The following RPTOR variants were observed in gnomAD, a reference collection of about 807,000 sequenced individuals.
The protein encoded by RPTOR is regulatory associated protein of MTOR complex 1.
Under a neutral mutation model 169.9 loss-of-function variants are expected in RPTOR, and 21 were observed. That is an observed-to-expected ratio of 0.12 (90% confidence interval 0.09 to 0.18). RPTOR has a LOEUF of 0.18. RPTOR is among the 10% of genes least tolerant of loss of function. RPTOR has a pLI of 1.00. For synonymous variants in RPTOR, 732 were observed against 753.2 expected (o/e 0.97, Z 0.46); for missense variants, 1,133 against 1,855.9 (o/e 0.61, Z 7.16).
chr17:80,742,347 A>T (rs1345451328), intron 5 of RPTOR, among the ~76,000 whole-genome samples: 3 of 152,096 alleles, frequency 2.0e-5, no homozygotes, highest in Non-Finnish European at 4.4e-5. Context: ...CGGAGCATCG[A>T]CGGTGGTCAT....
chr17:80,556,714 A>G (rs2143233632), intron 1 of RPTOR, among the ~76,000 whole-genome samples: 1 of 151,882 alleles, frequency 6.6e-6, no homozygotes, highest in African/African-American at 2.4e-5. Context: ...TGCTCTTGAA[A>G]TGGATATACT....
intron 5 of RPTOR, among the ~76,000 whole-genome samples, chr17:80,733,927 T>C (rs1204201885): frequency 2.0e-5 from 3 of 152,254 alleles, no homozygotes; most frequent in Non-Finnish European, 2.9e-5. Flanking sequence ...TTCAAGGCTC[T>C]TAGCTTCCTT....
intron 3 of RPTOR, among the ~76,000 whole-genome samples, chr17:80,677,743 C>G (rs1033229178): frequency 7.3e-5 from 11 of 151,556 alleles, no homozygotes; most frequent in African/African-American, 2.7e-4. Context: ...AATCCTTAAT[C>G]CTTTCTACCT....
intron 20 of RPTOR, among the ~76,000 whole-genome samples, chr17:80,895,596 C>T (rs1232133344): frequency 1.3e-5 from 2 of 152,250 alleles, no homozygotes; most frequent in East Asian, 1.9e-4. Flanking sequence ...GGTGCGTGTT[C>T]TTCAGCGTGG....
At chr17:80,614,959 T>A (rs2065298229) in intron 1 of RPTOR, among the ~76,000 whole-genome samples, 1 of 152,220 alleles carries the variant, frequency 6.6e-6, no homozygotes, top group Non-Finnish European at 1.5e-5. Context: ...GGCCTTGTCC[T>A]GCGGTAATTC....
At chr17:80,756,779 A>G (rs550970434) in intron 6 of RPTOR, among the ~76,000 whole-genome samples, 41 of 152,324 alleles carry the variant, frequency 2.7e-4, no homozygotes, top group Non-Finnish European at 4.3e-4. Context: ...TACGCATTGT[A>G]TGCACGGATC....
At chr17:80,793,011 G>C (rs1242973831) in intron 7 of RPTOR, among the ~76,000 whole-genome samples, 2 of 152,120 alleles carry the variant, frequency 1.3e-5, no homozygotes, top group Non-Finnish European at 2.9e-5. Context: ...GCATCTTGCT[G>C]TATTGGCCAG....
At chr17:80,828,550 G>A (rs927695256) in intron 9 of RPTOR, among the ~76,000 whole-genome samples, 4 of 152,180 alleles carry the variant, frequency 2.6e-5, no homozygotes, top group African/African-American at 9.6e-5. Flanking sequence ...CCCTAACCCC[G>A]ACCCCTGCCT....
At chr17:80,616,067 C>T (rs1383231667) in intron 1 of RPTOR, among the ~76,000 whole-genome samples, 4 of 152,120 alleles carry the variant, frequency 2.6e-5, no homozygotes, top group African/African-American at 9.7e-5. Flanking sequence ...CCTGGGAGCC[C>T]TGCATATTTT....
intron 1 of RPTOR, chr17:80,602,712 A>G (rs538630274): frequency 2.4e-4 from 184 of 760,166 alleles, no homozygotes; most frequent in Non-Finnish European, 3.8e-4. Flanking sequence ...TTTGGCCCAG[A>G]CAGCTTTGTT....
chr17:80,945,987 C>G (rs532931535), intron 26 of RPTOR, among the ~76,000 whole-genome samples: 1 of 152,210 alleles, frequency 6.6e-6, no homozygotes, highest in African/African-American at 2.4e-5. Context: ...GGGCCTGGCC[C>G]TGTCCTTGTC....
chr17:80,668,202 G>A (rs892266068), intron 3 of RPTOR, among the ~76,000 whole-genome samples: 2 of 152,164 alleles, frequency 1.3e-5, no homozygotes, highest in Non-Finnish European at 2.9e-5. Flanking sequence ...GTTTATCCTA[G>A]TGAGTTCTTT....
intron 3 of RPTOR, among the ~76,000 whole-genome samples, chr17:80,660,780 C>CA (rs1377457552): frequency 1.3e-5 from 2 of 152,178 alleles, no homozygotes; most frequent in African/African-American, 4.8e-5. Flanking sequence ...CAGCCACTGT[C>CA]CCCAATGCAG....
intron 13 of RPTOR, among the ~76,000 whole-genome samples, chr17:80,867,362 T>A (rs201686990): frequency 2.7e-5 from 4 of 147,790 alleles, no homozygotes; most frequent in Admixed American, 6.7e-5. Context: ...ACTTCTGATT[T>A]AAAAAAAAAA....
intron 7 of RPTOR, among the ~76,000 whole-genome samples, chr17:80,795,200 A>T (rs1372248622): frequency 6.6e-6 from 1 of 152,212 alleles, no homozygotes; most frequent in African/African-American, 2.4e-5. Flanking sequence ...AGAGACCTGG[A>T]TTTGGGAAAG....
chr17:80,599,539 G>A (rs866267394), intron 1 of RPTOR, among the ~76,000 whole-genome samples: 4 of 152,182 alleles, frequency 2.6e-5, no homozygotes, highest in African/African-American at 4.8e-5. Context: ...AGAAGCCTCC[G>A]GGCCTCCAGG....
chr17:80,795,129 C>T (rs1022842742), intron 7 of RPTOR, among the ~76,000 whole-genome samples: 12 of 152,264 alleles, frequency 7.9e-5, no homozygotes, highest in Admixed American at 6.5e-4. Context: ...ATGCAGCACA[C>T]GGCTGGCCAC....
chr17:80,905,109 C>T (rs2068524265), intron 20 of RPTOR, among the ~76,000 whole-genome samples: 1 of 152,162 alleles, frequency 6.6e-6, no homozygotes, highest in South Asian at 2.1e-4. Context: ...CCCCATCGTG[C>T]TTGCATCTTC....
chr17:80,629,662 TCCTGGGA>T (rs2065427030), intron 2 of RPTOR, among the ~76,000 whole-genome samples: 1 of 151,400 alleles, frequency 6.6e-6, no homozygotes, highest in African/African-American at 2.4e-5. Context: ...TGTCTCTCTC[TCCTGGGA>T]CTCAGCTCTC....
Sources: allele counts gnomAD v4.1 joint callset (sites outside exome capture counted in the v4.1 genomes callset), GRCh38; gene constraint gnomAD v4.1.1; transcripts MANE v1.5; gene names NCBI Gene and HGNC (gene_info 2026-07-23, HGNC 2026-07-21).